FAP: variants seen among roughly 807,000 people sequenced by gnomAD.
The protein encoded by FAP is fibroblast activation protein alpha.
In FAP, 110 loss-of-function variants were observed where a neutral mutation model predicts 126.5. The ratio of observed to expected loss-of-function variants is 0.87; its 90% confidence interval spans 0.74 to 1.02. The LOEUF is 1.02. Among genes scored for constraint, FAP ranks in the 50% least tolerant of loss-of-function variants. The pLI is 0.00. For synonymous variants in FAP, 334 were observed against 297.3 expected, an observed-to-expected ratio of 1.12 and a Z score of -1.27; for missense variants, 919 against 909.2, an observed-to-expected ratio of 1.01 and a Z score of -0.14.
At chr2:162,185,325 C>G (rs949639742) in intron 20 of FAP, among the ~76,000 whole-genome samples, 1 of 152,120 alleles carries the variant, frequency 6.6e-6, no homozygotes. Flanking sequence ...TCTATAAAAG[C>G]ATGATAGAAA....
At chr2:162,216,153 C>T (rs2106270511) in intron 9 of FAP, 152 bp from the exon 10 acceptor site, 1 of 587,654 alleles carries the variant, frequency 1.7e-6, no homozygotes, top group Non-Finnish European at 3.0e-6. Context: ...GACAAGGAAT[C>T]TCATTTCAAT....
intron 23 of FAP, among the ~76,000 whole-genome samples, chr2:162,173,498 G>A (rs1687385600): frequency 1.3e-5 from 2 of 151,874 alleles, no homozygotes; most frequent in South Asian, 4.2e-4. Context: ...GGTTGGGGGT[G>A]GGGAGGAAGA....
chr2:162,195,810 G>T (rs1688232123), intron 16 of FAP, among the ~76,000 whole-genome samples: 2 of 152,122 alleles, frequency 1.3e-5, no homozygotes, highest in African/African-American at 4.8e-5. Flanking sequence ...CAGTCAGTAG[G>T]TTAAAAGCAA....
At chr2:162,191,972 C>T (rs1377963474) in intron 17 of FAP, among the ~76,000 whole-genome samples, 3 of 152,102 alleles carry the variant, frequency 2.0e-5, no homozygotes, top group Non-Finnish European at 4.4e-5. Context: ...GAGATTAATC[C>T]ATTTACCTGT....
chr2:162,223,777 C>G, intron 5 of FAP, 117 bp from the exon 6 acceptor site: 1 of 680,166 alleles, frequency 1.5e-6, no homozygotes, highest in Non-Finnish European at 2.7e-6. Flanking sequence ...ACTACTTTCA[C>G]AAGGCACTAG....
rs181739895 is a variant in FAP, at chr2:162,235,347, G to A, written c.91+7561C>T. Among the ~76,000 whole-genome samples the A allele has an allele frequency of 1.6e-3, 238 of 152,336 alleles. 2 individuals are homozygous for A. The highest frequency in any genetic ancestry group is 3.4e-3 in the Middle Eastern group (1 of 294). On this transcript the variant is annotated intron_variant, in intron 2 of 25. Coordinates refer to ENST00000188790, the MANE Select transcript of FAP (RefSeq NM_004460.5). ...GCAGCTCCACCTGCGGCTCCGGTGC[G>A]AGATCCACTGGGTGAGGCCAGCTGG...
chr2:162,198,481 A>T, intron 16 of FAP: 1 of 717,728 alleles, frequency 1.4e-6, no homozygotes, highest in East Asian at 4.3e-5. Flanking sequence ...ACTTAGAGGC[A>T]ACAGCACTTG....
At chr2:162,223,781 G>T in intron 5 of FAP, 121 bp from the exon 6 acceptor site, 2 of 652,106 alleles carry the variant, frequency 3.1e-6, no homozygotes, top group Non-Finnish European at 5.5e-6. Flanking sequence ...CTTTCACAAG[G>T]CACTAGGAAG....
intron 20 of FAP, among the ~76,000 whole-genome samples, chr2:162,185,483 C>A (rs1687835449): frequency 6.6e-6 from 1 of 152,064 alleles, no homozygotes; most frequent in African/African-American, 2.4e-5. Context: ...CACATATGTA[C>A]CATTTGAAGA....
intron 21 of FAP, 61 bp downstream of exon 21, chr2:162,183,353 A>G: frequency 8.2e-7 from 1 of 1,223,036 alleles, no homozygotes; most frequent in Non-Finnish European, 1.2e-6. Context: ...CTAAACGAAC[A>G]CTTCAGAAAA....
Position 162,200,552 on chromosome 2 carries a change from TG to T in FAP, c.1277+13del. The T allele has an allele frequency of 7.0e-7, 1 of 1,428,470 alleles. No individual in the cohort carries two copies. Among genetic ancestry groups the T allele is most frequent in the Non-Finnish European group, 9.7e-7 (1 of 1,026,942 alleles). The allele number at this position is 1,428,470 out of a possible 1,614,324, so 88.5% of individuals were successfully genotyped here. ...CAACACATAGAAATACCAGAATGAA[TG>T]GACATAAATTACCTGTAGATGTTTC... On this transcript the variant is annotated intron_variant, in intron 15 of 25. Transcript: ENST00000188790.
intron 20 of FAP, among the ~76,000 whole-genome samples, chr2:162,185,206 G>A (rs1687822999): frequency 6.6e-6 from 1 of 152,156 alleles, no homozygotes. Flanking sequence ...TTGGAGTCTG[G>A]ATTGAACTTT....
intron 6 of FAP, 49 bp from the exon 7 acceptor site, chr2:162,219,974 A>G (rs752011543): frequency 8.8e-6 from 11 of 1,245,296 alleles, no homozygotes; most frequent in Middle Eastern, 3.9e-4. Context: ...TGTTTAATGC[A>G]AAAAAATAAT....
intron 11 of FAP, among the ~76,000 whole-genome samples, chr2:162,211,036 G>T (rs1688913286): frequency 6.6e-6 from 1 of 152,180 alleles, no homozygotes; most frequent in African/African-American, 2.4e-5. Context: ...AGGGATACGG[G>T]CAGGAAATGT....
chr2:162,208,522 T>A (rs1219899116), intron 12 of FAP, among the ~76,000 whole-genome samples: 1 of 152,208 alleles, frequency 6.6e-6, no homozygotes, highest in African/African-American at 2.4e-5. Flanking sequence ...AGTACATTAT[T>A]CATATAACTG....
intron 2 of FAP, among the ~76,000 whole-genome samples, chr2:162,234,896 C>T (rs1244884577): frequency 2.0e-5 from 3 of 152,146 alleles, no homozygotes; most frequent in African/African-American, 7.2e-5. Context: ...GCACCCCACG[C>T]TTGCCGGCCA....
chr2:162,242,827 T>G, intron 2 of FAP, 81 bp downstream of exon 2: 1 of 1,021,616 alleles, frequency 9.8e-7, no homozygotes, highest in Non-Finnish European at 1.5e-6. Context: ...ACTTAGGAAA[T>G]GTTCAACCAC....
Position 162,209,995 on chromosome 2 carries a change from G to A in FAP, c.1004C>T (p.Thr335Ile). Reference sequence around the variant, plus strand: ...TCTGCTTTCTTCTATATGCTCCTGGGTCTAAAAGACAAAAGATCACATCGA... The same window carrying A: ...TCTGCTTTCTTCTATATGCTCCTGGATCTAAAAGACAAAAGATCACATCGA... ...EDWQTWDCPK[T>I]QEHIEESRTG... The change falls in exon 12 of 26, where the codon ACC (threonine) becomes ATC (isoleucine). Residue 335 changes from threonine (T) to isoleucine (I), a missense_variant and splice_region_variant. Physicochemically the swap from Thr to Ile is moderately conservative, Grantham distance 89. Coordinates refer to ENST00000188790, the MANE Select transcript of FAP (RefSeq NM_004460.5). The A allele has an allele frequency of 6.2e-7, 1 of 1,612,280 alleles. No homozygotes were observed. Among genetic ancestry groups the A allele is most frequent in the South Asian group, 1.1e-5 (1 of 91,014 alleles).
intron 16 of FAP, among the ~76,000 whole-genome samples, chr2:162,196,231 C>A (rs887884907): frequency 1.3e-5 from 2 of 152,118 alleles, no homozygotes; most frequent in African/African-American, 4.8e-5. Context: ...CTGCCTGAAT[C>A]CTAGTCTAAT....
Sources: gnomAD v4.1 joint callset for allele counts (sites outside exome capture counted in the v4.1 genomes callset) on GRCh38, gnomAD v4.1.1 for gene constraint, MANE v1.5 for transcripts, NCBI Gene and HGNC (gene_info 2026-07-23, HGNC 2026-07-21) for gene names.